The following FOLH1 variants were observed in gnomAD, a reference collection of about 807,000 sequenced individuals.
The protein encoded by FOLH1 is glutamate carboxypeptidase 2.
A neutral mutation model predicts 93.9 loss-of-function variants in FOLH1; 54 were observed. The ratio of observed to expected loss-of-function variants is 0.57; its 90% CI spans 0.46 to 0.72. FOLH1 has a LOEUF of 0.72. Ranked by LOEUF, FOLH1 falls within the 30% of genes least tolerant of loss-of-function variation. FOLH1 has a pLI of 0.00. For synonymous variants in FOLH1, 249 were observed against 303.6 expected (o/e 0.82, Z 1.87); for missense variants, 571 against 892.5 (o/e 0.64, Z 4.59).
Position 49,154,258 on chromosome 11 carries a change from G to T in FOLH1, c.1858C>A (p.Gln620Lys), listed in dbSNP as rs143235150. ...KIYSISMKHP[Q>K]EMKTYSVSFD... ...GATACACTGTATGTCTTCATTTCCT[G>T]TGGATGTTTCATAGAAATACTGTAG... The change falls in exon 16 of 19, where the codon CAG becomes AAG. Residue 620 changes from glutamine (Q) to lysine (K), a missense_variant. Physicochemically the swap from Gln to Lys is moderately conservative, Grantham distance 53 (BLOSUM62 1). Around this residue, in one of 2 missense-constraint regions of FOLH1, gnomAD observed 500 missense variants for 822.9 expected, o/e 0.61. Transcript: ENST00000256999. 79 of 1,613,320 alleles carry T rather than the reference G, an allele frequency of 4.9e-5. 1 individual carries two copies. The highest frequency in any genetic ancestry group is 1.6e-4 in the Middle Eastern group (1 of 6,076).
At chr11:49,201,447 A>C (rs1187507845) in intron 2 of FOLH1, among the ~76,000 whole-genome samples, 1 of 150,444 alleles carries the variant, frequency 6.6e-6, no homozygotes, top group African/African-American at 2.4e-5. Flanking sequence ...TTTTTATTTG[A>C]TGAATCAACA....
intron 7 of FOLH1, among the ~76,000 whole-genome samples, chr11:49,181,447 T>C: frequency 6.6e-6 from 1 of 151,942 alleles, no homozygotes; most frequent in East Asian, 1.9e-4. Context: ...GATAATACTA[T>C]ATATATATAG....
Position 49,208,485 on chromosome 11 carries a change from G to A in FOLH1, c.-76C>T. The A allele has an allele frequency of 9.8e-7, 1 of 1,016,390 alleles. No individual in the cohort carries two copies. The highest frequency in any genetic ancestry group is 1.5e-6 in the Non-Finnish European group (1 of 687,796). The allele number at this position is 1,016,390 out of a possible 1,614,324, so 63.0% of individuals were successfully genotyped here. A position where few individuals can be genotyped will look rare whatever the true frequency, so the allele number is the denominator to read the frequency against. On this transcript the variant is annotated 5_prime_UTR_variant, in exon 1 of 19. Transcript: ENST00000256999. ...CTACTGCGCGCCCTCCAACCACCAC[G>A]GCGGGGTAAAGTCTCTCTCAATCTC...
chr11:49,167,872 A>G (rs558928258), intron 12 of FOLH1, among the ~76,000 whole-genome samples: 82 of 150,724 alleles, frequency 5.4e-4, no homozygotes, highest in African/African-American at 1.9e-3. Flanking sequence ...AAAAAAACAA[A>G]CAAACAAAAA....
At chr11:49,149,323 G>A (rs1292877367) in intron 17 of FOLH1, among the ~76,000 whole-genome samples, 1 of 152,084 alleles carries the variant, frequency 6.6e-6, no homozygotes, top group East Asian at 1.9e-4. Flanking sequence ...CGTTCTTGGA[G>A]CCTGATATGA....
Position 49,183,228 on chromosome 11 carries a change from G to A in FOLH1, c.841C>T (p.Arg281Cys), listed in dbSNP as rs772709942. 1.3e-5 allele frequency: 21 copies of A among 1,610,200 alleles called. No individual in the cohort carries two copies. Among genetic ancestry groups the A allele is most frequent in the East Asian group, 2.2e-5 (1 of 44,808 alleles). Reference sequence around the variant, plus strand: ...AGACCAACAGCCTCTGCAATTCCACGCCTATAAGCATATTCTGAAAAAAAA... The same window carrying A: ...AGACCAACAGCCTCTGCAATTCCACACCTATAAGCATATTCTGAAAAAAAA... The part of the protein sequence containing the change: ...GYPANEYAYR[R>C]GIAEAVGLPS... Residue 281 changes from arginine (R) to cysteine (C), a missense_variant, in exon 7 of 19, where the codon CGT (arginine) becomes TGT (cysteine). Transcript: ENST00000256999.
At chr11:49,188,034 C>A (rs1213060143) in intron 4 of FOLH1, among the ~76,000 whole-genome samples, 2 of 152,226 alleles carry the variant, frequency 1.3e-5, no homozygotes, top group African/African-American at 2.4e-5. Context: ...CCCAAGAGAA[C>A]ACTCCACAAT....
chr11:49,182,328 C>CA (rs59966842), intron 7 of FOLH1, among the ~76,000 whole-genome samples: 19,662 of 59,852 alleles, frequency 0.33, 5,501 homozygotes, highest in African/African-American at 0.51. Context: ...GACACTGTCT[C>CA]AAAAAAAAAA....
At chr11:49,201,561 TA>T (rs1309737646) in intron 2 of FOLH1, among the ~76,000 whole-genome samples, 2 of 151,928 alleles carry the variant, frequency 1.3e-5, no homozygotes, top group African/African-American at 4.8e-5. Context: ...AAAATAGTAT[TA>T]AAATCCTCGT....
In FOLH1 at chr11:49,187,385, C is replaced by T. The variant is rs1435564612; in HGVS notation, c.514-616G>A. Among the ~76,000 whole-genome samples, 3 of 151,898 alleles carry T rather than the reference C, an allele frequency of 2.0e-5. No individual in the cohort carries two copies. In the East Asian group the frequency reaches 5.8e-4, roughly 29 times the overall value. On this transcript the variant is annotated intron_variant, in intron 4 of 18. Coordinates refer to ENST00000256999, the MANE Select transcript of FOLH1 (RefSeq NM_004476.3). Reference sequence around the variant, plus strand: ...CCCTAAATTAATTTTGACAATGTCCCCCTTCATCTAAAATTTAAAATTTTT... The same window carrying T: ...CCCTAAATTAATTTTGACAATGTCCTCCTTCATCTAAAATTTAAAATTTTT...
chr11:49,194,651 G>T (rs1862433166), intron 3 of FOLH1, among the ~76,000 whole-genome samples: 1 of 151,774 alleles, frequency 6.6e-6, no homozygotes, highest in African/African-American at 2.4e-5. Flanking sequence ...TATAAAAAAT[G>T]AAAATGGAAA....
intron 12 of FOLH1, among the ~76,000 whole-genome samples, chr11:49,168,628 G>A (rs1195311969): frequency 6.6e-6 from 1 of 151,970 alleles, no homozygotes; most frequent in African/African-American, 2.4e-5. Context: ...GCGCCACCAC[G>A]CCCGGCTAAT....
intron 13 of FOLH1, among the ~76,000 whole-genome samples, chr11:49,159,885 C>T (rs576888890): frequency 2.5e-4 from 37 of 149,728 alleles, no homozygotes; most frequent in Admixed American, 1.8e-3. Context: ...GGAATTTATC[C>T]TTTTTTTTCT....
At chr11:49,207,932 TAAAA>T (rs759477420) in intron 1 of FOLH1, 6 of 473,440 alleles carry the variant, frequency 1.3e-5, no homozygotes, top group Non-Finnish European at 2.0e-5. Context: ...CACAGAGAGG[TAAAA>T]AAACAAACAA....
At position 49,146,515 on chromosome 11, in the gene FOLH1, T is replaced by C; in HGVS notation, c.*241A>G. The C allele has an allele frequency of 2.7e-6, 1 of 364,260 alleles. No homozygotes were observed. The highest frequency in any genetic ancestry group is 4.9e-6 in the Non-Finnish European group (1 of 205,784). 22.6% of individuals were successfully genotyped at this position (364,260 alleles called of 1,614,324 possible). Reference sequence around the variant, plus strand: ...CTATATTAGGCCATTCTCCTTAGATTTAATACTGAGTTAAATTTTTCCACT... The same window carrying C: ...CTATATTAGGCCATTCTCCTTAGATCTAATACTGAGTTAAATTTTTCCACT... On this transcript the variant is annotated 3_prime_UTR_variant, in exon 19 of 19. Coordinates refer to ENST00000256999, the MANE Select transcript of FOLH1 (RefSeq NM_004476.3).
chr11:49,191,037 G>A (rs1288279476), intron 4 of FOLH1, among the ~76,000 whole-genome samples: 1 of 152,184 alleles, frequency 6.6e-6, no homozygotes, highest in Non-Finnish European at 1.5e-5. Context: ...GGTTGGCCGG[G>A]TGCGGAGGCA....
At chr11:49,175,105 T>A in intron 8 of FOLH1, 128 bp from the exon 9 acceptor site, 1 of 799,144 alleles carries the variant, frequency 1.3e-6, no homozygotes, top group Non-Finnish European at 2.0e-6. Context: ...GAAAACTGAT[T>A]AACAGGAGAA....
At chr11:49,192,384 A>G (rs1862161619) in intron 4 of FOLH1, among the ~76,000 whole-genome samples, 1 of 152,202 alleles carries the variant, frequency 6.6e-6, no homozygotes, top group Non-Finnish European at 1.5e-5. Flanking sequence ...AAGATGAAAA[A>G]TTAGAATAGG....
chr11:49,169,047 G>A (rs1858850896), intron 12 of FOLH1, 148 bp downstream of exon 12: 15 of 748,650 alleles, frequency 2.0e-5, no homozygotes, highest in Non-Finnish European at 3.1e-5. Context: ...TCTCAACTAG[G>A]GTTCATACAC....
Sources: gnomAD v4.1 joint callset for allele counts (sites outside exome capture counted in the v4.1 genomes callset) on GRCh38, gnomAD v4.1.1 for gene constraint, gnomAD v4.1.1 regional missense constraint, MANE v1.5 for transcripts, NCBI Gene and HGNC (gene_info 2026-07-23, HGNC 2026-07-21) for gene names.